ALCAM: variants seen among roughly 807,000 people sequenced by gnomAD.
The protein encoded by ALCAM is activated leukocyte cell adhesion molecule, also known as CD166 antigen.
In ALCAM, 30 loss-of-function variants were observed where a neutral mutation model predicts 70.9. That is an observed-to-expected ratio of 0.42 (90% CI 0.32 to 0.57). The LOEUF is 0.57. Among genes scored for constraint, ALCAM ranks in the 20% least tolerant of loss-of-function variants. The pLI is 0.11. For missense variants in ALCAM, 591 were observed against 695.1 expected (o/e 0.85, Z 1.68); for synonymous variants, 249 against 242.5 (o/e 1.03, Z -0.25).
intron 1 of ALCAM, among the ~76,000 whole-genome samples, chr3:105,490,574 T>G (rs1018842783): frequency 2.6e-5 from 4 of 152,156 alleles, no homozygotes; most frequent in African/African-American, 9.7e-5. Flanking sequence ...GTGTGCTGTT[T>G]GGGAGGCATA....
chr3:105,535,734 A>G (rs1939953014), intron 6 of ALCAM, among the ~76,000 whole-genome samples: 1 of 107,628 alleles, frequency 9.3e-6, no homozygotes. Context: ...TTTGGGGGGA[A>G]AATGCAATAA....
At chr3:105,525,175 C>T (rs1939668175) in intron 3 of ALCAM, 1 of 983,994 alleles carries the variant, frequency 1.0e-6, no homozygotes, top group Non-Finnish European at 1.2e-6. Context: ...ACTCACTATA[C>T]CCTGAATGCT....
intron 6 of ALCAM, among the ~76,000 whole-genome samples, chr3:105,535,223 A>G (rs776780114): frequency 2.0e-5 from 3 of 152,136 alleles, no homozygotes; most frequent in Non-Finnish European, 2.9e-5. Context: ...AATAAGATCA[A>G]TTGCATAAGT....
chr3:105,419,095 T>C (rs899212869), intron 1 of ALCAM, among the ~76,000 whole-genome samples: 1 of 151,722 alleles, frequency 6.6e-6, no homozygotes, highest in East Asian at 1.9e-4. Flanking sequence ...GATGCTGTAT[T>C]ATATAGGATA....
intron 1 of ALCAM, among the ~76,000 whole-genome samples, chr3:105,380,085 A>G (rs1935479549): frequency 1.3e-5 from 2 of 151,818 alleles, no homozygotes; most frequent in South Asian, 4.1e-4. Flanking sequence ...TGAATAGTAG[A>G]CAAAATCTTT....
intron 14 of ALCAM, among the ~76,000 whole-genome samples, chr3:105,566,536 G>A (rs1486723417): frequency 6.6e-6 from 1 of 151,858 alleles, no homozygotes; most frequent in African/African-American, 2.4e-5. Flanking sequence ...GCCTTCTTTT[G>A]AATTACTTAA....
chr3:105,382,934 T>C (rs192837627), intron 1 of ALCAM, among the ~76,000 whole-genome samples: 1 of 151,980 alleles, frequency 6.6e-6, no homozygotes, highest in Admixed American at 6.6e-5. Context: ...AACTTCTTAA[T>C]ATAGCATTTA....
intron 1 of ALCAM, among the ~76,000 whole-genome samples, chr3:105,513,930 T>C (rs1387376571): frequency 6.6e-6 from 1 of 151,948 alleles, no homozygotes; most frequent in Admixed American, 6.6e-5. Flanking sequence ...ATAATAAAAA[T>C]TGAGTTTGCC....
At chr3:105,529,942 A>G (rs1047289940) in intron 3 of ALCAM, among the ~76,000 whole-genome samples, 2 of 152,104 alleles carry the variant, frequency 1.3e-5, no homozygotes, top group African/African-American at 4.8e-5. Flanking sequence ...TGGCAAAGCG[A>G]CCCACCAAAT....
At chr3:105,522,200 G>T (rs1939561875) in intron 2 of ALCAM, among the ~76,000 whole-genome samples, 2 of 152,192 alleles carry the variant, frequency 1.3e-5, no homozygotes, top group South Asian at 2.1e-4. Flanking sequence ...AACAATAATG[G>T]CAATTTTCAA....
chr3:105,552,216 C>T lies in ALCAM; in HGVS notation c.1546+34C>T, dbSNP rs769569987. 9.0e-6 allele frequency: 14 copies of T among 1,563,718 alleles called. No individual in the cohort carries two copies. In the East Asian group the frequency reaches 3.2e-4, roughly 35 times the overall value. On this transcript the variant is annotated intron_variant, in intron 13 of 15. Coordinates refer to ENST00000306107, the MANE Select transcript of ALCAM (RefSeq NM_001627.4). ...TATGCTGCCGACTCTTCTTCCTTGA[C>T]TATCAGCTCAAGATTTATGAAGTGT...
At chr3:105,438,529 T>C (rs1450449916) in intron 1 of ALCAM, among the ~76,000 whole-genome samples, 2 of 152,180 alleles carry the variant, frequency 1.3e-5, no homozygotes, top group African/African-American at 4.8e-5. Context: ...CACCATAGAA[T>C]AGATACCAAA....
chr3:105,437,264 A>T (rs1937069839), intron 1 of ALCAM, among the ~76,000 whole-genome samples: 1 of 152,110 alleles, frequency 6.6e-6, no homozygotes. Flanking sequence ...TTTACTTACA[A>T]CTGATTGTTG....
At chr3:105,449,685 T>C (rs1156704371) in intron 1 of ALCAM, among the ~76,000 whole-genome samples, 2 of 152,196 alleles carry the variant, frequency 1.3e-5, no homozygotes, top group Non-Finnish European at 2.9e-5. Flanking sequence ...CTGTGCCACG[T>C]AAAGACTTTA....
chr3:105,484,158 A>G (rs1320785657), intron 1 of ALCAM, among the ~76,000 whole-genome samples: 3 of 151,850 alleles, frequency 2.0e-5, no homozygotes, highest in Admixed American at 6.6e-5. Context: ...TGTCAAATAC[A>G]TATTATATAT....
At chr3:105,523,539 A>G (rs1368650464) in intron 2 of ALCAM, among the ~76,000 whole-genome samples, 1 of 152,240 alleles carries the variant, frequency 6.6e-6, no homozygotes, top group East Asian at 1.9e-4. Flanking sequence ...CTGATTTTAC[A>G]TTAAATTGCT....
rs141722847 is a variant in ALCAM at position 105,521,659 on chromosome 3, G to A, written c.174+1492G>A. Among the ~76,000 whole-genome samples, 304 of 152,256 alleles carry A rather than the reference G, an allele frequency of 2.0e-3. 4 individuals carry two copies. The highest frequency in any genetic ancestry group is 6.9e-3 in the African/African-American group (285 of 41,536). The stretch of plus-strand genomic sequence containing the variant: ...AAAATATCTTCCTCATAGTGTTGTT[G>A]TCAGAGTACCCGAAGAAATTGATAT... On this transcript the variant is annotated intron_variant, in intron 2 of 15. Transcript: ENST00000306107.
chr3:105,485,045 C>T (rs1231188906), intron 1 of ALCAM, among the ~76,000 whole-genome samples: 1 of 151,892 alleles, frequency 6.6e-6, no homozygotes, highest in Non-Finnish European at 1.5e-5. Flanking sequence ...ATAGAATAAC[C>T]TTTTATTCAT....
At position 105,465,077 on chromosome 3, in the gene ALCAM, T is replaced by A. The variant is rs1270650227; in HGVS notation, c.74-54990T>A. Among the ~76,000 whole-genome samples, 5 of 151,362 alleles carry A rather than the reference T, an allele frequency of 3.3e-5. No homozygotes were observed. In the Admixed American group the frequency reaches 3.3e-4, roughly 10 times the overall value. ...TGATAATGAAATAAATGAGAAAAAA[T>A]AGTATCACTTAGAAGTTAGAAGAGG... On this transcript the variant is annotated intron_variant, in intron 1 of 15. Transcript: ENST00000306107.
Sources: gnomAD v4.1 joint callset for allele counts (sites outside exome capture counted in the v4.1 genomes callset) on GRCh38, gnomAD v4.1.1 for gene constraint, MANE v1.5 for transcripts, NCBI Gene and HGNC (gene_info 2026-07-23, HGNC 2026-07-21) for gene names.